KLF13: variants seen among roughly 807,000 people sequenced by gnomAD.
KLF13 encodes Krueppel-like factor 13.
A neutral mutation model predicts 16.7 loss-of-function variants in KLF13; 8 were observed. That is an observed-to-expected ratio of 0.48 (90% confidence interval 0.28 to 0.87). KLF13 has a LOEUF of 0.87. KLF13 is among the 40% of genes least tolerant of loss of function. The pLI is 0.10. For missense variants in KLF13, 447 were observed against 452.2 expected, an observed-to-expected ratio of 0.99 and a Z score of 0.10; for synonymous variants, 245 against 208.4, an observed-to-expected ratio of 1.18 and a Z score of -1.51.
intron 1 of KLF13, among the ~76,000 whole-genome samples, chr15:31,356,440 T>C (rs1319000552): frequency 6.6e-6 from 1 of 152,178 alleles, no homozygotes; most frequent in African/African-American, 2.4e-5. Context: ...TAATCCCAGC[T>C]ACTCAGGAGA....
intron 1 of KLF13, among the ~76,000 whole-genome samples, chr15:31,422,329 A>G (rs1424064770): frequency 3.9e-5 from 6 of 151,924 alleles, no homozygotes. Context: ...TCATAGCTGG[A>G]GAGACCTCGG....
chr15:31,332,493 G>A (rs956128824), intron 1 of KLF13, among the ~76,000 whole-genome samples: 1 of 152,168 alleles, frequency 6.6e-6, no homozygotes, highest in Admixed American at 6.5e-5. Context: ...CTGGTGTGGC[G>A]CCATCTCCAC....
upstream of KLF13, among the ~76,000 whole-genome samples, chr15:31,391,271 G>A (rs2039862356): frequency 7.7e-6 from 1 of 129,058 alleles, no homozygotes; most frequent in South Asian, 2.8e-4. Context: ...TGGGCTGTGG[G>A]GGGCTGAAGG....
chr15:31,401,581 G>A (rs1352078497), intron 2 of KLF13, among the ~76,000 whole-genome samples: 1 of 152,230 alleles, frequency 6.6e-6, no homozygotes, highest in Non-Finnish European at 1.5e-5. Context: ...CCAGCATTGA[G>A]TGGGGGCCAC....
At chr15:31,381,967 G>A (rs1036224683), downstream of KLF13, among the ~76,000 whole-genome samples, 2 of 152,168 alleles carry the variant, frequency 1.3e-5, no homozygotes, top group Non-Finnish European at 2.9e-5. Context: ...AGCCTGCCAC[G>A]CAGCTGTGGA....
At chr15:31,331,644 C>T (rs1009743990) in intron 1 of KLF13, among the ~76,000 whole-genome samples, 5 of 152,210 alleles carry the variant, frequency 3.3e-5, no homozygotes, top group African/African-American at 1.2e-4. Flanking sequence ...GAGACACACA[C>T]AGGCCAGTGG....
At chr15:31,363,314 T>A (rs1015942194) in intron 1 of KLF13, among the ~76,000 whole-genome samples, 2 of 152,272 alleles carry the variant, frequency 1.3e-5, no homozygotes, top group African/African-American at 4.8e-5. Flanking sequence ...CCCATTTTTC[T>A]GTTGGATATT....
At chr15:31,346,786 G>A (rs1044354843) in intron 1 of KLF13, among the ~76,000 whole-genome samples, 2 of 152,200 alleles carry the variant, frequency 1.3e-5, no homozygotes, top group Non-Finnish European at 2.9e-5. Context: ...TGGGGCCAGG[G>A]CTCCTGCCGG....
intron 1 of KLF13, among the ~76,000 whole-genome samples, chr15:31,333,956 G>A (rs12595328): frequency 6.6e-5 from 10 of 152,186 alleles, no homozygotes; most frequent in South Asian, 2.1e-4. Context: ...GCCTCATGGG[G>A]GGGGGAGGGC....
At chr15:31,350,825 A>G (rs1266175331) in intron 1 of KLF13, among the ~76,000 whole-genome samples, 2 of 152,268 alleles carry the variant, frequency 1.3e-5, no homozygotes, top group African/African-American at 4.8e-5. Flanking sequence ...AGGTGCGCCC[A>G]TGGCCAGGCC....
intron 1 of KLF13, among the ~76,000 whole-genome samples, chr15:31,370,312 G>GT (rs1470643164): frequency 1.3e-5 from 2 of 151,442 alleles, no homozygotes; most frequent in South Asian, 2.1e-4. Context: ...TTCCAGAACT[G>GT]TTTTTTGGTT....
At chr15:31,406,713 C>A (rs1316757342), downstream of KLF13, among the ~76,000 whole-genome samples, 1 of 152,180 alleles carries the variant, frequency 6.6e-6, no homozygotes, top group Non-Finnish European at 1.5e-5. Flanking sequence ...AAGGGACAAT[C>A]TGTTTCCTTG....
intron 1 of KLF13, among the ~76,000 whole-genome samples, chr15:31,353,914 G>A (rs1030202253): frequency 2.0e-5 from 3 of 152,208 alleles, no homozygotes; most frequent in Admixed American, 1.3e-4. Context: ...GCTGCTTCTG[G>A]GGAAAAAGTA....
intron 1 of KLF13, among the ~76,000 whole-genome samples, chr15:31,358,735 T>C (rs2039338082): frequency 6.6e-6 from 1 of 152,248 alleles, no homozygotes; most frequent in Non-Finnish European, 1.5e-5. Flanking sequence ...CATATTCCTG[T>C]CTTGCCTTGT....
intron 1 of KLF13, among the ~76,000 whole-genome samples, chr15:31,339,390 G>A (rs1325376729): frequency 6.6e-6 from 1 of 152,132 alleles, no homozygotes; most frequent in African/African-American, 2.4e-5. Flanking sequence ...TTAGACGGTG[G>A]CAAGGCCCTG....
At chr15:31,355,409 T>G (rs1392840016) in intron 1 of KLF13, among the ~76,000 whole-genome samples, 1 of 152,210 alleles carries the variant, frequency 6.6e-6, no homozygotes, top group Non-Finnish European at 1.5e-5. Flanking sequence ...TTGTAAATTA[T>G]GTTAAAAATT....
At position 31,327,134 on chromosome 15, in the gene KLF13, C is replaced by G. The variant is rs1057359137; in HGVS notation, c.-79C>G. On this transcript the variant is annotated 5_prime_UTR_variant, in exon 1 of 2. Transcript: ENST00000307145. ...GCGCGCCGCGCCCCCGCCCCCCGCCCGCTCTCCCGAGGCCGTGGGTGCGGA... is the reference window on the plus strand; with the variant it reads ...GCGCGCCGCGCCCCCGCCCCCCGCCGGCTCTCCCGAGGCCGTGGGTGCGGA... 21 of 1,183,154 alleles carry G rather than the reference C, an allele frequency of 1.8e-5. No individual in the cohort carries two copies. The highest frequency in any genetic ancestry group is 2.0e-5 in the Non-Finnish European group (19 of 951,524). The allele number at this position is 1,183,154 out of a possible 1,614,324, so 73.3% of individuals were successfully genotyped here.
chr15:31,398,888 A>G (rs905432151), intron 2 of KLF13, among the ~76,000 whole-genome samples: 3 of 152,132 alleles, frequency 2.0e-5, no homozygotes, highest in African/African-American at 4.8e-5. Flanking sequence ...TCGCCTACAC[A>G]GCTCCCTTTG....
chr15:31,332,832 G>A (rs566465878), intron 1 of KLF13, among the ~76,000 whole-genome samples: 2 of 152,350 alleles, frequency 1.3e-5, no homozygotes, highest in Non-Finnish European at 2.9e-5. Flanking sequence ...GTGTAAGTGT[G>A]TGTGTTTAAA....
Sources: gnomAD v4.1 joint callset for allele counts (sites outside exome capture counted in the v4.1 genomes callset) on GRCh38, gnomAD v4.1.1 for gene constraint, MANE v1.5 for transcripts, NCBI Gene and HGNC (gene_info 2026-07-23, HGNC 2026-07-21) for gene names.